Variants in JCAD observed in about 807,000 individuals in gnomAD.
JCAD encodes junctional cadherin 5-associated protein.
A neutral mutation model predicts 98.0 loss-of-function variants in JCAD; 40 were observed. The observed-to-expected ratio is 0.41, with a 90% CI of 0.32 to 0.53. JCAD has a LOEUF of 0.53. JCAD is among the 20% of genes least tolerant of loss of function. The pLI, the probability that JCAD is intolerant of heterozygous loss-of-function variation, is 0.31. For missense variants in JCAD, 1,705 were observed against 1,738.1 expected (o/e 0.98, Z 0.34); for synonymous variants, 691 against 682.3 (o/e 1.01, Z -0.20).
Position 30,012,824 on chromosome 10 carries a change from G to A in JCAD, c.*5059C>T, listed in dbSNP as rs1836445974. 6.6e-6 allele frequency: 1 copy of A among 152,264 alleles called. No homozygotes were observed. The highest frequency in any genetic ancestry group is 2.4e-5 in the African/African-American group (1 of 41,448). 9.4% of individuals were successfully genotyped at this position (152,264 alleles called of 1,614,324 possible). A position where few individuals can be genotyped will look rare whatever the true frequency, so the allele number is the denominator to read the frequency against. ...GTACTTTCATGCAAAATCTTTATTTGGAACATGTATGTTACTGAGCAGGCC... is the reference window on the plus strand; with the variant it reads ...GTACTTTCATGCAAAATCTTTATTTAGAACATGTATGTTACTGAGCAGGCC... On this transcript the variant is annotated 3_prime_UTR_variant, in exon 4 of 4. Coordinates refer to ENST00000375377, the MANE Select transcript of JCAD (RefSeq NM_020848.4).
chr10:30,027,583 GCTGCTGCTGCTGCTA>G lies in JCAD; in HGVS notation c.2550_2564del (p.Ser855_Ser859del). 6.2e-7 allele frequency: 1 copy of G among 1,614,006 alleles called. No individual in the cohort carries two copies. ...CCTCACTCTCCTCACTGCTGCTGCTGCTGCTGCTGCTGCTACTGCTGCTTTCTTCCTCTTCCTGGA... is the reference window on the plus strand; with the variant it reads ...CCTCACTCTCCTCACTGCTGCTGCTGCTGCTGCTTTCTTCCTCTTCCTGGA... On this transcript the variant is annotated inframe_deletion, in exon 3 of 4. Transcript: ENST00000375377.
At chr10:30,021,639 C>CT (rs1353083932) in intron 3 of JCAD, among the ~76,000 whole-genome samples, 3 of 152,106 alleles carry the variant, frequency 2.0e-5, no homozygotes, top group African/African-American at 4.8e-5. Flanking sequence ...ATTTTAGATT[C>CT]TTTTTTTGTA....
At chr10:30,086,323 C>T (rs116032409) in intron 1 of JCAD, among the ~76,000 whole-genome samples, 2,610 of 152,286 alleles carry the variant, frequency 0.017, 77 homozygotes, top group African/African-American at 0.059. Context: ...AGATGTAGGG[C>T]ATTATCCCAA....
chr10:30,045,618 T>A (rs567174390), intron 2 of JCAD, among the ~76,000 whole-genome samples: 97 of 152,284 alleles, frequency 6.4e-4, no homozygotes, highest in African/African-American at 2.3e-3. Context: ...ATCTGAACCC[T>A]CAGACAACTC....
At chr10:30,061,578 G>A (rs1294104716), upstream of JCAD, among the ~76,000 whole-genome samples, 2 of 151,736 alleles carry the variant, frequency 1.3e-5, no homozygotes, top group East Asian at 3.9e-4. Flanking sequence ...GAAAATAGTA[G>A]CTACTACCAT....
At chr10:30,110,704 G>A (rs1234637597) in intron 1 of JCAD, among the ~76,000 whole-genome samples, 1 of 151,702 alleles carries the variant, frequency 6.6e-6, no homozygotes, top group Non-Finnish European at 1.5e-5. Flanking sequence ...TGGAGCAGCT[G>A]ATGTATGGAC....
rs189263377 is a variant in JCAD, at chr10:30,022,493, C to T, written c.4045+3610G>A. On this transcript the variant is annotated intron_variant, in intron 3 of 3. Coordinates refer to ENST00000375377, the MANE Select transcript of JCAD (RefSeq NM_020848.4). ...TCAGTGACTTAACAACAAGGCTTTA[C>T]TCTAACTTGTGAAGCAACAGTGAGC... Among the ~76,000 whole-genome samples the T allele has an allele frequency of 3.7e-3, 557 of 152,284 alleles. 2 individuals are homozygous for T. The highest frequency in any genetic ancestry group is 5.7e-3 in the Non-Finnish European group (385 of 68,024).
At chr10:30,114,515 A>T (rs2275714) in intron 1 of JCAD, among the ~76,000 whole-genome samples, 2 of 151,830 alleles carry the variant, frequency 1.3e-5, no homozygotes, top group South Asian at 2.1e-4. Context: ...TCCAGCCACA[A>T]TGAGATATAT....
chr10:30,103,691 A>G (rs1486832324), intron 1 of JCAD, among the ~76,000 whole-genome samples: 3 of 151,334 alleles, frequency 2.0e-5, no homozygotes, highest in African/African-American at 4.9e-5. Context: ...TATTGCTACT[A>G]TAATAACCTA....
At chr10:30,091,714 A>ATT (rs11307523) in intron 1 of JCAD, among the ~76,000 whole-genome samples, 1,698 of 81,758 alleles carry the variant, frequency 0.021, 82 homozygotes, top group East Asian at 0.053. Flanking sequence ...AAGTTTTTAA[A>ATT]TTTTTTTTTT....
At chr10:30,109,185 T>A (rs922596123) in intron 1 of JCAD, among the ~76,000 whole-genome samples, 5 of 152,128 alleles carry the variant, frequency 3.3e-5, no homozygotes, top group Non-Finnish European at 7.4e-5. Context: ...GCAGGGAGAC[T>A]ACGATTGGCG....
intron 1 of JCAD, among the ~76,000 whole-genome samples, chr10:30,088,493 T>C (rs1379150503): frequency 6.6e-6 from 1 of 152,092 alleles, no homozygotes; most frequent in Non-Finnish European, 1.5e-5. Flanking sequence ...TTAAATCAAG[T>C]AGTTTGGGAG....
intron 3 of JCAD, among the ~76,000 whole-genome samples, chr10:30,018,434 C>T (rs1836584236): frequency 6.6e-6 from 1 of 152,040 alleles, no homozygotes; most frequent in Admixed American, 6.6e-5. Context: ...GGCTTTCTGT[C>T]TCTCATCACC....
At chr10:30,025,987 G>A (rs1351793818) in intron 3 of JCAD, 116 bp downstream of exon 3, 4 of 1,190,464 alleles carry the variant, frequency 3.4e-6, no homozygotes, top group East Asian at 4.7e-5. Flanking sequence ...AATTCCCAGG[G>A]TCAACTTGAT....
chr10:30,032,537 G>A (rs114128466), intron 2 of JCAD, among the ~76,000 whole-genome samples: 46 of 152,248 alleles, frequency 3.0e-4, no homozygotes, highest in African/African-American at 6.5e-4. Context: ...ACCATGGGCC[G>A]GGCTGACTTG....
upstream of JCAD, among the ~76,000 whole-genome samples, chr10:30,059,864 A>G (rs1837669053): frequency 6.6e-6 from 1 of 152,190 alleles, no homozygotes; most frequent in Non-Finnish European, 1.5e-5. This position sits in a 1 kb window ranked among gnomAD's most constrained non-coding sequence, Gnocchi z 5.0. Flanking sequence ...ACAAACACAC[A>G]AAGATGTATG....
In JCAD at chr10:30,036,233, C is replaced by G. The variant is rs536027979; in HGVS notation, c.282-6367G>C. ...CTGAGGCGGACGGATCACCTGAAGT[C>G]AGTAGTTCAAGACCAGCCTGACCAA... On this transcript the variant is annotated intron_variant, in intron 2 of 3. Transcript: ENST00000375377. Among the ~76,000 whole-genome samples the G allele has an allele frequency of 9.2e-5, 14 of 152,280 alleles. No individual in the cohort carries two copies. The East Asian group carries it at 2.5e-3, about 27-fold the overall frequency.
intron 1 of JCAD, among the ~76,000 whole-genome samples, chr10:30,093,624 C>T (rs939535757): frequency 6.6e-6 from 1 of 152,220 alleles, no homozygotes; most frequent in African/African-American, 2.4e-5. Context: ...CTCTAGCCCC[C>T]CGCATGTGGC....
At chr10:30,096,332 C>T (rs181021233) in intron 1 of JCAD, among the ~76,000 whole-genome samples, 1 of 152,204 alleles carries the variant, frequency 6.6e-6, no homozygotes, top group African/African-American at 2.4e-5. Context: ...TCAGTTTCCT[C>T]GTCTGTAAGA....
Sources: gnomAD v4.1 joint callset for allele counts (sites outside exome capture counted in the v4.1 genomes callset) on GRCh38, gnomAD v4.1.1 for gene constraint, Gnocchi (gnomAD v3.1) non-coding constraint, MANE v1.5 for transcripts, NCBI Gene and HGNC (gene_info 2026-07-23, HGNC 2026-07-21) for gene names.